SH3TC2: variants seen among roughly 807,000 people sequenced by gnomAD.
SH3TC2 encodes the protein SH3 domain and tetratricopeptide repeats 2, also known as SH3 domain and tetratricopeptide repeat-containing protein 2.
A neutral mutation model predicts 124.5 loss-of-function variants in SH3TC2; 87 were observed. The ratio of observed to expected loss-of-function variants is 0.70; its 90% CI spans 0.59 to 0.84. The LOEUF is 0.84. Ranked by LOEUF, SH3TC2 falls within the 40% of genes least tolerant of loss-of-function variation. The pLI is 0.00. For missense variants in SH3TC2, 1,536 were observed against 1,566.4 expected (o/e 0.98, Z 0.33); for synonymous variants, 634 against 628.5 (o/e 1.01, Z -0.13).
rs907507050 is a variant in SH3TC2, at chr5:148,987,442, A to G, written c.*17269T>C. On this transcript the variant is annotated 3_prime_UTR_variant, in exon 17 of 17. Coordinates refer to ENST00000515425, the MANE Select transcript of SH3TC2 (RefSeq NM_024577.4). The stretch of plus-strand genomic sequence containing the variant: ...TAAACTTGAGGAGATAAGGTGTTGA[A>G]ACTCTCCCAGGCCTTATTCATGAGA... Among the ~76,000 whole-genome samples the G allele has an allele frequency of 1.3e-5, 2 of 152,222 alleles. No homozygotes were observed. The highest frequency in any genetic ancestry group is 2.4e-5 in the African/African-American group (1 of 41,458).
chr5:149,034,094 G>A (rs1339240643), intron 8 of SH3TC2, among the ~76,000 whole-genome samples: 3 of 151,948 alleles, frequency 2.0e-5, no homozygotes, highest in African/African-American at 7.3e-5. Flanking sequence ...TGATTAAAAA[G>A]GTGAAATAAT....
At position 149,004,904 on chromosome 5, in the gene SH3TC2, T is replaced by A; in HGVS notation, c.3676-2A>T. 1 of 1,614,156 alleles carries A rather than the reference T, an allele frequency of 6.2e-7. No homozygotes were observed. Among genetic ancestry groups the A allele is most frequent in the Non-Finnish European group, 8.5e-7 (1 of 1,180,016 alleles). ...GTACTCAGTGGCATCATGGGCATCC[T>A]AACCCCGTGGTATGGGGGCAAAGAA... On this transcript the variant is annotated splice_acceptor_variant, in intron 16 of 16. Transcript: ENST00000515425. LOFTEE classifies it high-confidence loss of function.
Position 149,004,030 on chromosome 5 carries a change from C to A in SH3TC2, c.*681G>T. On this transcript the variant is annotated 3_prime_UTR_variant, in exon 17 of 17. Transcript: ENST00000515425. ...TCATAATTTTCTTAACATTCAATTT[C>A]CAAGCCTTTGCTCTTGGAAAGCTTC... The A allele has an allele frequency of 5.2e-6, 1 of 192,104 alleles. No homozygotes were observed. The highest frequency in any genetic ancestry group is 1.1e-5 in the Non-Finnish European group (1 of 90,906). The allele number at this position is 192,104 out of a possible 1,614,324, so 11.9% of individuals were successfully genotyped here. A position where few individuals can be genotyped will look rare whatever the true frequency, so the allele number is the denominator to read the frequency against.
chr5:149,019,128 TC>T (rs1294211648), intron 12 of SH3TC2, among the ~76,000 whole-genome samples: 1 of 152,168 alleles, frequency 6.6e-6, no homozygotes, highest in Non-Finnish European at 1.5e-5. Flanking sequence ...AAAAAATTGC[TC>T]CAACAGATAC....
intron 1 of SH3TC2, among the ~76,000 whole-genome samples, chr5:149,060,312 T>C (rs1754724031): frequency 6.6e-6 from 1 of 152,130 alleles, no homozygotes; most frequent in Non-Finnish European, 1.5e-5. Flanking sequence ...AACTCATAGA[T>C]AGGGTGGGGA....
Position 148,982,554 on chromosome 5 carries a change from C to T in SH3TC2, c.*22157G>A, listed in dbSNP as rs980030284. 1.3e-5 allele frequency among the ~76,000 whole-genome samples: 2 copies of T among 152,120 alleles called. No individual in the cohort carries two copies. Among genetic ancestry groups the T allele is most frequent in the African/African-American group, 4.8e-5 (2 of 41,416 alleles). ...TCCCATCATGCAAGGAGATACTTTA[C>T]AGCTGTAAAAATGAATGAGGATACT... On this transcript the variant is annotated 3_prime_UTR_variant, in exon 17 of 17. Coordinates refer to ENST00000515425, the MANE Select transcript of SH3TC2 (RefSeq NM_024577.4).
intron 8 of SH3TC2, among the ~76,000 whole-genome samples, chr5:149,032,145 TAGA>T (rs1381516100): frequency 6.6e-6 from 1 of 152,192 alleles, no homozygotes; most frequent in Non-Finnish European, 1.5e-5. Context: ...TGACACAATC[TAGA>T]AGAACAATGA....
intron 16 of SH3TC2, 111 bp downstream of exon 16, chr5:149,006,770 T>A: frequency 4.5e-6 from 5 of 1,102,404 alleles, no homozygotes; most frequent in Non-Finnish European, 7.0e-6. Context: ...CTTCTCATCT[T>A]GGCACTCTGG....
rs113514936 is a variant in SH3TC2 at position 149,026,770 on chromosome 5, A to G, written c.2873-18T>C. On this transcript the variant is annotated intron_variant, in intron 11 of 16. Transcript: ENST00000515425. ...AAGCTGACCTGAACACAAAGCAGGGACATGAATGAGATGACTTGAGATAGG... is the reference window on the plus strand; with the variant it reads ...AAGCTGACCTGAACACAAAGCAGGGGCATGAATGAGATGACTTGAGATAGG... 2.8e-4 allele frequency: 460 copies of G among 1,614,230 alleles called. 6 individuals are homozygous for G. In the African/African-American group the frequency reaches 5.5e-3, roughly 19 times the overall value.
intron 8 of SH3TC2, among the ~76,000 whole-genome samples, chr5:149,033,484 T>A (rs745951417): frequency 6.6e-6 from 1 of 152,182 alleles, no homozygotes; most frequent in Non-Finnish European, 1.5e-5. Context: ...CAAACCCAGA[T>A]TGGCAGGTGA....
rs1753456722 is a variant in SH3TC2, at chr5:148,993,622, AG to A, written c.*11088del. ...TCAAAACGTCTGCCAGACTAAACAT[AG>A]GTTCAAAATGACAGTTCCAATAAAG... On this transcript the variant is annotated 3_prime_UTR_variant, in exon 17 of 17. Transcript: ENST00000515425. Among the ~76,000 whole-genome samples, 1 of 152,208 alleles carries A rather than the reference AG, an allele frequency of 6.6e-6. No individual in the cohort carries two copies.
In SH3TC2 at chr5:149,027,135, G is replaced by A; in HGVS notation, c.2597C>T (p.Ala866Val). The A allele has an allele frequency of 6.2e-7, 1 of 1,614,132 alleles. No individual in the cohort carries two copies. The change falls in exon 11 of 17, where the codon GCC becomes GTC. Residue 866 changes from alanine (A) to valine (V), a missense_variant. Transcript: ENST00000515425. Reference protein sequence around the residue: ...AKSYLRALNRAQEVGDVHNQA... With the variant: ...AKSYLRALNRVQEVGDVHNQA... Reference sequence around the variant, plus strand: ...GTTATGCACATCTCCCACCTCCTGGGCTCTGTTCAAGGCCCGAAGATAGCT... The same window carrying A: ...GTTATGCACATCTCCCACCTCCTGGACTCTGTTCAAGGCCCGAAGATAGCT...
rs759833157 is a variant in SH3TC2 at position 149,038,456 on chromosome 5, C to T, written c.840G>A (p.Glu280=). 6.2e-7 allele frequency: 1 copy of T among 1,614,130 alleles called. No homozygotes were observed. Among genetic ancestry groups the T allele is most frequent in the East Asian group, 2.2e-5 (1 of 44,884 alleles). The change falls in exon 8 of 17, where the codon GAG becomes GAA. Residue 280 remains glutamate (E), a synonymous_variant. Transcript: ENST00000515425. ...AATTCAGTTCATCCTTTTCTCCTGG[C>T]TCATAACCCGTCAAGGCCTTACAGC... is the stretch of plus-strand genomic sequence containing the variant. ...RGRCKALTGY[E]PGEKDELNFY...
chr5:149,058,737 G>C (rs1754694702), intron 1 of SH3TC2, among the ~76,000 whole-genome samples: 1 of 152,086 alleles, frequency 6.6e-6, no homozygotes, highest in Non-Finnish European at 1.5e-5. Context: ...GAGGTGGGTA[G>C]TTGTGGGACT....
rs1296638593 is a variant in SH3TC2, at chr5:148,987,455, C to T, written c.*17256G>A. Among the ~76,000 whole-genome samples the T allele has an allele frequency of 6.6e-6, 1 of 152,202 alleles. No homozygotes were observed. The highest frequency in any genetic ancestry group is 1.5e-5 in the Non-Finnish European group (1 of 68,036). On this transcript the variant is annotated 3_prime_UTR_variant, in exon 17 of 17. Transcript: ENST00000515425. Reference sequence around the variant, plus strand: ...ATAAGGTGTTGAAACTCTCCCAGGCCTTATTCATGAGAGATCAGGCTGAGC... The same window carrying T: ...ATAAGGTGTTGAAACTCTCCCAGGCTTTATTCATGAGAGATCAGGCTGAGC...
chr5:149,034,713 A>C lies in SH3TC2; in HGVS notation c.1002-3026T>G, dbSNP rs10060600. Among the ~76,000 whole-genome samples, 720 of 152,288 alleles carry C rather than the reference A, an allele frequency of 4.7e-3. 9 individuals carry two copies. The highest frequency in any genetic ancestry group is 0.016 in the African/African-American group (677 of 41,562). On this transcript the variant is annotated intron_variant, in intron 8 of 16. Transcript: ENST00000515425. ...ATAAATTAATGAAATAAAAACAAAG[A>C]AAGTAGACAAAAATAATCAAAGCAA...
rs914592458 is a variant in SH3TC2, at chr5:148,999,551, T to C, written c.*5160A>G. Among the ~76,000 whole-genome samples the C allele has an allele frequency of 2.0e-5, 3 of 151,982 alleles. No individual in the cohort carries two copies. Among genetic ancestry groups the C allele is most frequent in the Non-Finnish European group, 2.9e-5 (2 of 68,020 alleles). On this transcript the variant is annotated 3_prime_UTR_variant, in exon 17 of 17. Transcript: ENST00000515425. ...TTAAAAGAGGAAAAGAGACCAAAAC[T>C]GACAAGGTCATGAAAAACAAGGAAA...
chr5:149,033,890 G>T (rs1754239514), intron 8 of SH3TC2, among the ~76,000 whole-genome samples: 1 of 152,130 alleles, frequency 6.6e-6, no homozygotes, highest in Admixed American at 6.5e-5. Flanking sequence ...AACCTAGTCA[G>T]CAAGGTTTTC....
chr5:149,058,134 A>G (rs1225912119), intron 1 of SH3TC2, among the ~76,000 whole-genome samples: 1 of 152,246 alleles, frequency 6.6e-6, no homozygotes, highest in African/African-American at 2.4e-5. Flanking sequence ...ATCTGAAGAA[A>G]AAAACCTAGA....
Sources: gnomAD v4.1 joint callset for allele counts (sites outside exome capture counted in the v4.1 genomes callset) on GRCh38, gnomAD v4.1.1 for gene constraint, MANE v1.5 for transcripts, NCBI Gene and HGNC (gene_info 2026-07-23, HGNC 2026-07-21) for gene names.